Variants in TG observed in about 807,000 individuals in gnomAD.
TG encodes thyroid hormones.
In TG, 270 loss-of-function variants were observed where a neutral mutation model predicts 324.7. The ratio of observed to expected loss-of-function variants is 0.83; its 90% CI spans 0.75 to 0.92. The LOEUF (loss-of-function observed/expected upper bound fraction) is 0.92, where lower values mean the gene tolerates loss of function less well. TG is among the 40% of genes least tolerant of loss of function. The pLI is 0.00. For missense variants in TG, 3,591 were observed against 3,456.4 expected, an observed-to-expected ratio of 1.04 and a Z score of -0.98; for synonymous variants, 1,401 against 1,327.0, an observed-to-expected ratio of 1.06 and a Z score of -1.21.
At chr8:133,104,947 A>T (rs867033252) in intron 43 of TG, among the ~76,000 whole-genome samples, 2 of 152,190 alleles carry the variant, frequency 1.3e-5, no homozygotes, top group Non-Finnish European at 1.5e-5. Flanking sequence ...TGTCATGTCC[A>T]TTTGGAATCC....
chr8:132,968,879 A>G (rs1343302885), intron 31 of TG, among the ~76,000 whole-genome samples: 2 of 152,200 alleles, frequency 1.3e-5, no homozygotes, highest in African/African-American at 4.8e-5. Flanking sequence ...GCTGACTTGA[A>G]AGAATCTCCT....
Position 132,972,023 on chromosome 8 carries a change from A to C in TG, c.6055+150A>C, listed in dbSNP as rs543739792. ...GGCTTGGAGAGGGCAACTGGCTAATAAATGTGGTAGCTGAGACATGGCTCC... is the reference window on the plus strand; with the variant it reads ...GGCTTGGAGAGGGCAACTGGCTAATCAATGTGGTAGCTGAGACATGGCTCC... On this transcript the variant is annotated intron_variant, in intron 33 of 47. Coordinates refer to ENST00000220616, the MANE Select transcript of TG (RefSeq NM_003235.5). The C allele has an allele frequency of 2.5e-5, 18 of 707,906 alleles. No individual in the cohort carries two copies. The African/African-American group carries it at 3.2e-4, about 12-fold the overall frequency. The allele number at this position is 707,906 out of a possible 1,614,324, so 43.9% of individuals were successfully genotyped here.
At chr8:133,069,860 G>T (rs911224221) in intron 41 of TG, among the ~76,000 whole-genome samples, 3 of 151,836 alleles carry the variant, frequency 2.0e-5, no homozygotes, top group African/African-American at 4.8e-5. Flanking sequence ...AAATCAGCTG[G>T]GCGTGGTGGC....
intron 45 of TG, among the ~76,000 whole-genome samples, chr8:133,130,926 A>G (rs534698108): frequency 7.0e-4 from 107 of 152,238 alleles, no homozygotes; most frequent in African/African-American, 2.4e-3. Context: ...TGGAGGAAGA[A>G]AGAGGAGGGG....
intron 28 of TG, among the ~76,000 whole-genome samples, chr8:132,961,594 C>T (rs970736974): frequency 3.2e-4 from 49 of 152,158 alleles, no homozygotes; most frequent in African/African-American, 1.0e-3. Context: ...TCCTCCTTCA[C>T]GTTTTCTGAA....
intron 18 of TG, 138 bp from the exon 19 acceptor site, chr8:132,911,239 A>C: frequency 6.8e-7 from 1 of 1,464,538 alleles, no homozygotes; most frequent in Non-Finnish European, 9.4e-7. Flanking sequence ...GGGGGTCACT[A>C]TTCCTTGACC....
chr8:132,906,961 C>T lies in TG; in HGVS notation c.3847+61C>T, dbSNP rs188116816. On this transcript the variant is annotated intron_variant, in intron 17 of 47. Transcript: ENST00000220616. Reference sequence around the variant, plus strand: ...TCCCTCTCAGGGCTAGGGCTGGGACCGAGATATGGAGGCGTGGCTGCTCCA... The same window carrying T: ...TCCCTCTCAGGGCTAGGGCTGGGACTGAGATATGGAGGCGTGGCTGCTCCA... The T allele has an allele frequency of 3.5e-4, 540 of 1,526,510 alleles. 3 individuals carry two copies. The African/African-American group carries it at 5.8e-3, about 16-fold the overall frequency. 94.6% of individuals were successfully genotyped at this position (1,526,510 alleles called of 1,614,324 possible). A position where few individuals can be genotyped will look rare whatever the true frequency, so the allele number is the denominator to read the frequency against.
At position 132,883,016 on chromosome 8, in the gene TG, G is replaced by A. The variant is rs1814880468; in HGVS notation, c.1075+17G>A. On this transcript the variant is annotated intron_variant, in intron 8 of 47. Transcript: ENST00000220616. Reference sequence around the variant, plus strand: ...CATCTTGTGGTGGGTTTCCTCTGGGGGCTTCCTCTTTCGGCCTCGGATCAT... The same window carrying A: ...CATCTTGTGGTGGGTTTCCTCTGGGAGCTTCCTCTTTCGGCCTCGGATCAT... 1 of 1,612,544 alleles carries A rather than the reference G, an allele frequency of 6.2e-7. No individual in the cohort carries two copies. Among genetic ancestry groups the A allele is most frequent in the African/African-American group, 1.3e-5 (1 of 74,970 alleles).
intron 21 of TG, among the ~76,000 whole-genome samples, chr8:132,920,638 T>G (rs947988866): frequency 2.6e-5 from 4 of 152,216 alleles, no homozygotes; most frequent in African/African-American, 9.7e-5. Context: ...AAGCACTTTC[T>G]TAAAAGAAGA....
At chr8:133,107,433 C>T (rs1047780629) in intron 43 of TG, among the ~76,000 whole-genome samples, 1 of 152,180 alleles carries the variant, frequency 6.6e-6, no homozygotes, top group Non-Finnish European at 1.5e-5. Context: ...CTGCCTGTAA[C>T]AAATCTACTG....
chr8:132,986,699 T>A (rs1831600726), intron 35 of TG, among the ~76,000 whole-genome samples: 1 of 152,062 alleles, frequency 6.6e-6, no homozygotes, highest in South Asian at 2.1e-4. Context: ...TACCTAAAAT[T>A]CCCTCCAGAA....
At chr8:133,078,985 G>A (rs1197863904) in intron 41 of TG, among the ~76,000 whole-genome samples, 4 of 152,152 alleles carry the variant, frequency 2.6e-5, no homozygotes, top group Non-Finnish European at 4.4e-5. Flanking sequence ...GAAACCTCTA[G>A]GGCTCCTGGT....
At chr8:133,027,047 G>T (rs193113104) in intron 40 of TG, among the ~76,000 whole-genome samples, 1 of 152,322 alleles carries the variant, frequency 6.6e-6, no homozygotes, top group African/African-American at 2.4e-5. Flanking sequence ...GCCCCTCAAG[G>T]CTGTACCTGG....
At chr8:133,060,348 G>T in intron 41 of TG, 1 of 1,546,614 alleles carries the variant, frequency 6.5e-7, no homozygotes, top group Non-Finnish European at 8.7e-7. Flanking sequence ...TGAGATTGGT[G>T]AAGATTGGTT....
At chr8:132,898,733 C>A in intron 13 of TG, 65 bp from the exon 14 acceptor site, 1 of 1,454,386 alleles carries the variant, frequency 6.9e-7, no homozygotes, top group Non-Finnish European at 9.6e-7. Context: ...TGGGGTCAGC[C>A]TGGGATCCCC....
chr8:133,077,987 G>T (rs1467456892), intron 41 of TG, among the ~76,000 whole-genome samples: 1 of 152,194 alleles, frequency 6.6e-6, no homozygotes. Flanking sequence ...AATAAGACAC[G>T]TGTGAAGGTT....
chr8:133,105,351 G>T (rs183414878), intron 43 of TG, among the ~76,000 whole-genome samples: 9 of 152,312 alleles, frequency 5.9e-5, no homozygotes, highest in South Asian at 4.1e-4. Flanking sequence ...GGGTGGACCG[G>T]AGGTGGGGGC....
intron 10 of TG, among the ~76,000 whole-genome samples, chr8:132,890,885 T>G (rs1816138762): frequency 6.6e-6 from 1 of 152,192 alleles, no homozygotes; most frequent in African/African-American, 2.4e-5. Context: ...ATCTCTGGCC[T>G]GTTTGAAATT....
rs1240278662 is a variant in TG at position 132,900,282 on chromosome 8, T to C, written c.3376T>C (p.Cys1126Arg). The C allele has an allele frequency of 1.9e-6, 3 of 1,613,904 alleles. No homozygotes were observed. Among genetic ancestry groups the C allele is most frequent in the Admixed American group, 1.7e-5 (1 of 59,998 alleles). Residue 1126 changes from cysteine to arginine, a missense_variant, in exon 15 of 48, where the codon TGT becomes CGT. By Grantham distance (180) the Cys-to-Arg change is radical (BLOSUM62 -3). Coordinates refer to ENST00000220616, the MANE Select transcript of TG (RefSeq NM_003235.5). The stretch of plus-strand genomic sequence containing the variant: ...GCAGGCATCGGGGGCTGGCACCTGG[T>C]GTGTGGACCCTGCATCAGGAGAAGA... ...RLQASGAGTW[C>R]VDPASGEELR...
Sources: allele counts gnomAD v4.1 joint callset (sites outside exome capture counted in the v4.1 genomes callset), GRCh38; gene constraint gnomAD v4.1.1; transcripts MANE v1.5; gene names NCBI Gene and HGNC (gene_info 2026-07-23, HGNC 2026-07-21).